Variants in ADAMTS18 observed in about 807,000 individuals in gnomAD.
ADAMTS18 encodes the protein A disintegrin and metalloproteinase with thrombospondin motifs 18.
ADAMTS18 carries 157 observed loss-of-function variants against 165.9 expected under a neutral mutation model. The observed-to-expected ratio is 0.95, with a 90% confidence interval of 0.83 to 1.08. The LOEUF (loss-of-function observed/expected upper bound fraction) is 1.08, where lower values mean the gene tolerates loss of function less well. Ranked by LOEUF, ADAMTS18 falls within the 50% of genes least tolerant of loss-of-function variation. The pLI is 0.00. For synonymous variants in ADAMTS18, 782 were observed against 578.2 expected (o/e 1.35, Z -5.06); for missense variants, 2,040 against 1,534.0 (o/e 1.33, Z -5.51).
At chr16:77,347,826 T>C (rs921096852) in intron 10 of ADAMTS18, among the ~76,000 whole-genome samples, 3 of 152,202 alleles carry the variant, frequency 2.0e-5, no homozygotes, top group Non-Finnish European at 2.9e-5. Context: ...TAGAATGTGC[T>C]ACCCAGATCC....
chr16:77,285,906 T>C (rs1299892155), intron 22 of ADAMTS18, among the ~76,000 whole-genome samples: 1 of 152,188 alleles, frequency 6.6e-6, no homozygotes, highest in Non-Finnish European at 1.5e-5. Flanking sequence ...CAAGTCCTTG[T>C]TCTACTCGAG....
In ADAMTS18 at chr16:77,320,054, C is replaced by A; in HGVS notation, c.2327G>T (p.Ser776Ile). ...PVVLIPAGAR[S>I]IEIQELQVSS... is the part of the protein sequence containing the mutation. ...AACCTGCAGCTCCTGGATTTCGATG[C>A]TTCGGGCGCCAGCTGGAATGAGGAC... The change falls in exon 16 of 23, where the codon AGC (serine) becomes ATC (isoleucine). Residue 776 changes from serine to isoleucine, a missense_variant. Transcript: ENST00000282849. 6.2e-7 allele frequency: 1 copy of A among 1,614,090 alleles called. No individual in the cohort carries two copies. The highest frequency in any genetic ancestry group is 8.5e-7 in the Non-Finnish European group (1 of 1,180,016).
chr16:77,282,803 T>G lies in ADAMTS18; in HGVS notation c.*1153A>C, dbSNP rs1442246435. ...GCTGGCTTCTGATGACTGAAAATAC[T>G]CTTATTCAGTGAGGGTCTTGTCATA... On this transcript the variant is annotated 3_prime_UTR_variant, in exon 23 of 23. Coordinates refer to ENST00000282849, the MANE Select transcript of ADAMTS18 (RefSeq NM_199355.4). 3 of 152,520 alleles carry G rather than the reference T, an allele frequency of 2.0e-5. No homozygotes were observed. Among genetic ancestry groups the G allele is most frequent in the Non-Finnish European group, 4.4e-5 (3 of 68,018 alleles). 9.4% of individuals were successfully genotyped at this position (152,520 alleles called of 1,614,324 possible).
intron 3 of ADAMTS18, among the ~76,000 whole-genome samples, chr16:77,404,422 A>G (rs192116053): frequency 7.0e-4 from 107 of 152,274 alleles, no homozygotes; most frequent in African/African-American, 2.4e-3. Context: ...ATACATACCT[A>G]GGATTTCTCT....
chr16:77,389,798 T>G (rs946075350), intron 3 of ADAMTS18, among the ~76,000 whole-genome samples: 7 of 152,348 alleles, frequency 4.6e-5, no homozygotes, highest in African/African-American at 1.7e-4. Flanking sequence ...AGGAGCTCAG[T>G]TGCTTGCAGC....
At chr16:77,338,014 C>T (rs2056337746) in intron 11 of ADAMTS18, among the ~76,000 whole-genome samples, 1 of 151,780 alleles carries the variant, frequency 6.6e-6, no homozygotes, top group Non-Finnish European at 1.5e-5. Context: ...AGCGATTCTC[C>T]TGCCTCAGCC....
chr16:77,296,526 G>C (rs17713035), intron 18 of ADAMTS18, among the ~76,000 whole-genome samples: 24 of 152,112 alleles, frequency 1.6e-4, no homozygotes, highest in African/African-American at 5.6e-4. Flanking sequence ...TCCATTCAGA[G>C]AAGAGGAATC....
chr16:77,347,079 G>C (rs753022556), intron 10 of ADAMTS18, among the ~76,000 whole-genome samples: 3 of 152,032 alleles, frequency 2.0e-5, no homozygotes, highest in African/African-American at 7.2e-5. Flanking sequence ...TCTTTTGTTC[G>C]GCATGTTTTT....
intron 17 of ADAMTS18, among the ~76,000 whole-genome samples, chr16:77,298,649 A>C (rs2055521872): frequency 6.6e-6 from 1 of 152,166 alleles, no homozygotes; most frequent in African/African-American, 2.4e-5. Flanking sequence ...AAAACGGGCC[A>C]GGCATAGTGG....
chr16:77,321,033 C>T (rs2055987604), intron 15 of ADAMTS18, 46 bp downstream of exon 15: 2 of 1,613,474 alleles, frequency 1.2e-6, no homozygotes, highest in African/African-American at 1.3e-5. Context: ...TGTTTGGTAG[C>T]AAAAGTTGTA....
At chr16:77,360,849 G>C (rs768092793) in intron 7 of ADAMTS18, among the ~76,000 whole-genome samples, 18 of 152,204 alleles carry the variant, frequency 1.2e-4, no homozygotes, top group Non-Finnish European at 2.6e-4. Flanking sequence ...CACTCTGGGA[G>C]GCTGAGGTGG....
intron 3 of ADAMTS18, among the ~76,000 whole-genome samples, chr16:77,374,614 T>G (rs2056923328): frequency 6.6e-6 from 1 of 152,200 alleles, no homozygotes; most frequent in Non-Finnish European, 1.5e-5. Context: ...CTTCCTTACT[T>G]GGCTCAACTA....
intron 12 of ADAMTS18, among the ~76,000 whole-genome samples, chr16:77,332,384 G>A (rs1266317749): frequency 6.6e-6 from 1 of 152,142 alleles, no homozygotes; most frequent in Non-Finnish European, 1.5e-5. Flanking sequence ...GTGAGCTTGG[G>A]ATGAGGATGA....
At chr16:77,382,619 C>T (rs1338424438) in intron 3 of ADAMTS18, among the ~76,000 whole-genome samples, 1 of 152,110 alleles carries the variant, frequency 6.6e-6, no homozygotes, top group Non-Finnish European at 1.5e-5. Context: ...TGTTTGACAC[C>T]CTTGTGCCTC....
At chr16:77,345,986 G>C (rs2056469650) in intron 10 of ADAMTS18, among the ~76,000 whole-genome samples, 1 of 152,104 alleles carries the variant, frequency 6.6e-6, no homozygotes, top group Non-Finnish European at 1.5e-5. Flanking sequence ...TTTAGGTCTT[G>C]CTCACTCTGG....
intron 16 of ADAMTS18, among the ~76,000 whole-genome samples, chr16:77,314,607 T>A (rs2055845990): frequency 2.4e-5 from 2 of 84,470 alleles, no homozygotes; most frequent in South Asian, 4.0e-4. Context: ...AGCAAAACTC[T>A]GTCTCAAAAA....
At chr16:77,362,840 G>C (rs975418137) in intron 6 of ADAMTS18, among the ~76,000 whole-genome samples, 8 of 152,178 alleles carry the variant, frequency 5.3e-5, no homozygotes, top group African/African-American at 1.9e-4. Context: ...TTTTAGACAA[G>C]ATCTTTAATT....
At chr16:77,346,099 C>G (rs191230724) in intron 10 of ADAMTS18, among the ~76,000 whole-genome samples, 24 of 152,318 alleles carry the variant, frequency 1.6e-4, no homozygotes, top group Middle Eastern at 6.8e-3. Context: ...CTGCATCTCT[C>G]TCTTACCTCC....
chr16:77,431,231 T>A, intron 3 of ADAMTS18, 64 bp downstream of exon 3: 2 of 1,561,498 alleles, frequency 1.3e-6, no homozygotes, highest in Admixed American at 3.3e-5. Flanking sequence ...ATTGCAGACA[T>A]CTGTTCATTC....
Sources: gnomAD v4.1 joint callset for allele counts (sites outside exome capture counted in the v4.1 genomes callset) on GRCh38, gnomAD v4.1.1 for gene constraint, MANE v1.5 for transcripts, NCBI Gene and HGNC (gene_info 2026-07-23, HGNC 2026-07-21) for gene names.